The following DNER variants were observed in gnomAD, a reference collection of about 807,000 sequenced individuals.
The protein encoded by DNER is delta and Notch-like epidermal growth factor-related receptor.
Under a neutral mutation model 78.2 loss-of-function variants are expected in DNER, and 33 were observed. That is an observed-to-expected ratio of 0.42 (90% CI 0.32 to 0.56). DNER has a LOEUF of 0.56. Among genes scored for constraint, DNER ranks in the 20% least tolerant of loss-of-function variants. The pLI, the probability that DNER is intolerant of heterozygous loss-of-function variation, is 0.11. For missense variants in DNER, 918 were observed against 975.3 expected (o/e 0.94, Z 0.78); for synonymous variants, 417 against 384.8 (o/e 1.08, Z -0.98).
intron 1 of DNER, among the ~76,000 whole-genome samples, chr2:229,593,222 CT>C (rs1300899778): frequency 1.3e-5 from 2 of 152,052 alleles, no homozygotes; most frequent in African/African-American, 4.8e-5. Flanking sequence ...AGACAAAGCT[CT>C]TTTTGGTCAG....
chr2:229,527,282 T>C (rs918008396), intron 5 of DNER, among the ~76,000 whole-genome samples: 3 of 152,086 alleles, frequency 2.0e-5, no homozygotes, highest in African/African-American at 7.2e-5. Context: ...AGACATGAGA[T>C]TCAGATATGT....
intron 8 of DNER, among the ~76,000 whole-genome samples, chr2:229,440,806 A>G (rs75791716): frequency 0.012 from 1,756 of 152,278 alleles, 13 homozygotes; most frequent in Non-Finnish European, 0.019. Flanking sequence ...TGTTCCCCGC[A>G]TCCAACTGAC....
chr2:229,512,292 A>G (rs892871715), intron 6 of DNER, among the ~76,000 whole-genome samples: 8 of 151,896 alleles, frequency 5.3e-5, no homozygotes, highest in African/African-American at 1.9e-4. Context: ...CTGAGGAAGG[A>G]GAATCACTGG....
chr2:229,711,551 GC>G (rs1003297994), intron 1 of DNER, among the ~76,000 whole-genome samples: 1 of 152,032 alleles, frequency 6.6e-6, no homozygotes, highest in African/African-American at 2.4e-5. Flanking sequence ...TTTTAAAAAA[GC>G]CTAAAGACAG....
chr2:229,653,442 AC>A (rs1698855368), intron 1 of DNER, among the ~76,000 whole-genome samples: 1 of 152,140 alleles, frequency 6.6e-6, no homozygotes, highest in Admixed American at 6.5e-5. Flanking sequence ...CCCCCAAGCC[AC>A]TTGTCATAAA....
Position 229,674,329 on chromosome 2 carries a change from A to G in DNER, c.276+39819T>C, listed in dbSNP as rs1574557631. 5.3e-5 allele frequency among the ~76,000 whole-genome samples: 8 copies of G among 152,304 alleles called. No homozygotes were observed. The South Asian group carries it at 1.7e-3, about 32-fold the overall frequency. ...AGTCTTGCTCTATCACCCAGGCTGG[A>G]GTGCAGTGATGCGATCTCGGCTTAC... On this transcript the variant is annotated intron_variant, in intron 1 of 12. Transcript: ENST00000341772.
chr2:229,555,065 A>C (rs185275070), intron 4 of DNER, among the ~76,000 whole-genome samples: 3 of 152,164 alleles, frequency 2.0e-5, no homozygotes. Flanking sequence ...GATTAATAAA[A>C]GTCAGAGTGA....
rs539611628 is a variant in DNER at position 229,422,356 on chromosome 2, A to C, written c.1487-4126T>G. ...TTTTAAAAATAAAATAAACAATCAA[A>C]GGGTGGGATCAGAGTGGCCCTTTCC... On this transcript the variant is annotated intron_variant, in intron 8 of 12. Coordinates refer to ENST00000341772, the MANE Select transcript of DNER (RefSeq NM_139072.4). 1.6e-3 allele frequency among the ~76,000 whole-genome samples: 251 copies of C among 152,356 alleles called. 1 individual carries two copies. The highest frequency in any genetic ancestry group is 5.7e-3 in the African/African-American group (236 of 41,588).
At chr2:229,574,946 C>T (rs1015372684) in intron 4 of DNER, among the ~76,000 whole-genome samples, 3 of 151,854 alleles carry the variant, frequency 2.0e-5, no homozygotes, top group South Asian at 2.1e-4. Context: ...GGCAAAGCCC[C>T]GAGAAAGTTT....
chr2:229,632,459 C>T (rs1698447029), intron 1 of DNER, among the ~76,000 whole-genome samples: 2 of 152,164 alleles, frequency 1.3e-5, no homozygotes, highest in Admixed American at 1.3e-4. Flanking sequence ...TTTACTAAGG[C>T]TTGTCTCCTT....
intron 1 of DNER, among the ~76,000 whole-genome samples, chr2:229,689,202 T>C (rs1425134458): frequency 6.6e-6 from 1 of 152,198 alleles, no homozygotes; most frequent in Non-Finnish European, 1.5e-5. Context: ...TAGCCTATGG[T>C]ACCTATAGTC....
intron 1 of DNER, among the ~76,000 whole-genome samples, chr2:229,660,334 T>C (rs374251556): frequency 2.5e-4 from 38 of 152,242 alleles, no homozygotes; most frequent in East Asian, 1.4e-3. Context: ...GTCCATGTGT[T>C]CTCATCATTT....
At chr2:229,551,607 C>G (rs1696737967) in intron 4 of DNER, among the ~76,000 whole-genome samples, 1 of 149,650 alleles carries the variant, frequency 6.7e-6, no homozygotes, top group Non-Finnish European at 1.5e-5. Context: ...GCACTCCAGC[C>G]TGGGCAACAA....
At chr2:229,368,293 A>G (rs528239614) in intron 11 of DNER, among the ~76,000 whole-genome samples, 34 of 152,144 alleles carry the variant, frequency 2.2e-4, no homozygotes, top group Admixed American at 1.2e-3. Flanking sequence ...AACCTGGGAG[A>G]TGGAGGTTGC....
intron 1 of DNER, among the ~76,000 whole-genome samples, chr2:229,678,828 G>T (rs1391622925): frequency 1.3e-5 from 2 of 152,208 alleles, no homozygotes; most frequent in African/African-American, 4.8e-5. Context: ...AAAGGGGGAA[G>T]TGATTGACAG....
chr2:229,365,193 G>A (rs1300396559), intron 12 of DNER, among the ~76,000 whole-genome samples: 1 of 152,164 alleles, frequency 6.6e-6, no homozygotes, highest in East Asian at 1.9e-4. Flanking sequence ...TCTCAGTGAA[G>A]AAGGGCAGAC....
At chr2:229,630,521 T>TAATAAA (rs938006155) in intron 1 of DNER, among the ~76,000 whole-genome samples, 8 of 142,924 alleles carry the variant, frequency 5.6e-5, no homozygotes, top group Non-Finnish European at 1.1e-4. Context: ...ATAATAATAA[T>TAATAAA]AAAATCTTCT....
chr2:229,499,282 A>C (rs1231035561), intron 6 of DNER, among the ~76,000 whole-genome samples: 1 of 151,870 alleles, frequency 6.6e-6, no homozygotes, highest in Non-Finnish European at 1.5e-5. Flanking sequence ...CCTGTCTCTA[A>C]TAAAATTGAA....
At chr2:229,598,755 C>T (rs1344884161) in intron 1 of DNER, among the ~76,000 whole-genome samples, 4 of 152,036 alleles carry the variant, frequency 2.6e-5, no homozygotes, top group Non-Finnish European at 4.4e-5. Context: ...AGAAATGGAG[C>T]CAGCTGAGCA....
Sources: gnomAD v4.1 joint callset for allele counts (sites outside exome capture counted in the v4.1 genomes callset) on GRCh38, gnomAD v4.1.1 for gene constraint, MANE v1.5 for transcripts, NCBI Gene and HGNC (gene_info 2026-07-23, HGNC 2026-07-21) for gene names.